Variants in PPEF1 observed in about 807,000 individuals in gnomAD.
PPEF1 encodes the protein serine/threonine-protein phosphatase with EF-hands 1.
A neutral mutation model predicts 53.3 loss-of-function variants in PPEF1; 12 were observed. That is an observed-to-expected ratio of 0.23 (90% CI 0.14 to 0.36). The LOEUF is 0.36. Ranked by LOEUF, PPEF1 falls within the 10% of genes least tolerant of loss-of-function variation. The probability of loss-of-function intolerance (pLI) is 1.00; values close to 1 mark genes in which losing one functional copy is unlikely to be tolerated. For synonymous variants in PPEF1, 165 were observed against 176.7 expected, an observed-to-expected ratio of 0.93 and a Z score of 0.52; for missense variants, 334 against 490.4, an observed-to-expected ratio of 0.68 and a Z score of 3.01.
chrX:18,789,068 G>A, intron 9 of PPEF1, 53 bp from the exon 10 acceptor site: 1 of 1,181,426 alleles, frequency 8.5e-7, no homozygotes, highest in Non-Finnish European at 1.1e-6. Context: ...TGAAGTCTCT[G>A]TATGTGGCAG....
intron 3 of PPEF1, among the ~76,000 whole-genome samples, chrX:18,747,051 A>G (rs2045344201): frequency 1.8e-5 from 2 of 111,287 alleles, no homozygotes; most frequent in African/African-American, 3.3e-5. Context: ...CTGGGGTTCA[A>G]CTGGGCAGGG....
intron 12 of PPEF1, among the ~76,000 whole-genome samples, chrX:18,807,945 C>T (rs2046709378): frequency 9.6e-6 from 1 of 103,722 alleles, no homozygotes; most frequent in African/African-American, 3.6e-5. Flanking sequence ...CAGGTGTGAG[C>T]TACCACGCCC....
chrX:18,744,771 G>T (rs12689761), intron 3 of PPEF1, among the ~76,000 whole-genome samples: 1 of 109,729 alleles, frequency 9.1e-6, no homozygotes, highest in East Asian at 2.8e-4. Context: ...CTACTATTAA[G>T]TAATAATAAT....
chrX:18,735,169 T>A (rs770756991), intron 3 of PPEF1, among the ~76,000 whole-genome samples: 2 of 111,997 alleles, frequency 1.8e-5, no homozygotes, highest in Admixed American at 9.5e-5. Context: ...TTGTTGCCAT[T>A]GCTTTTGGTG....
At chrX:18,733,848 T>C in intron 3 of PPEF1, 40 bp downstream of exon 3, 2 of 1,039,102 alleles carry the variant, frequency 1.9e-6, no homozygotes, top group East Asian at 3.2e-5. Flanking sequence ...TGTCATTAAA[T>C]ATTGAATTGT....
chrX:18,698,613 C>T (rs1228335984), intron 5 of PPEF1, among the ~76,000 whole-genome samples: 2 of 111,512 alleles, frequency 1.8e-5, no homozygotes, highest in African/African-American at 6.5e-5. Flanking sequence ...GGTGAAACCT[C>T]GTCTGTACTA....
intron 10 of PPEF1, among the ~76,000 whole-genome samples, chrX:18,795,440 T>G (rs1296424083): frequency 8.9e-6 from 1 of 112,442 alleles, no homozygotes; most frequent in Non-Finnish European, 1.9e-5. Flanking sequence ...TAAACATGGA[T>G]GTAAAGGCAA....
At chrX:18,686,253 A>G (rs6527864) in intron 3 of PPEF1, 1 of 109,905 alleles carries the variant, frequency 9.1e-6, no homozygotes. Context: ...TCCAGAGACT[A>G]AGGATGGAGG....
chrX:18,784,850 C>T (rs1178251574), intron 9 of PPEF1, among the ~76,000 whole-genome samples: 3 of 110,380 alleles, frequency 2.7e-5, no homozygotes, highest in African/African-American at 9.9e-5. Flanking sequence ...TGAAGGGTTC[C>T]TTGGACGGGT....
chrX:18,780,068 T>C lies in PPEF1; in HGVS notation c.725+892T>C, dbSNP rs756777898. On this transcript the variant is annotated intron_variant, in intron 7 of 15. Coordinates refer to ENST00000470157, the MANE Select transcript of PPEF1 (RefSeq NM_001377996.1). The stretch of plus-strand genomic sequence containing the variant: ...TATATATAATATAGCTTGATACTTT[T>C]ATTTAGGCATGCTGTTTATCCTTAT... Among the ~76,000 whole-genome samples the C allele has an allele frequency of 1.8e-4, 20 of 112,392 alleles. 1 individual carries two copies. The South Asian group carries it at 7.4e-3, about 41-fold the overall frequency.
chrX:18,749,506 A>G (rs1198393417), intron 3 of PPEF1, among the ~76,000 whole-genome samples: 1 of 111,361 alleles, frequency 9.0e-6, no homozygotes, highest in Non-Finnish European at 1.9e-5. Flanking sequence ...AAATACCTTG[A>G]TTGGCTAGTT....
At chrX:18,719,255 T>C (rs1313907410) in intron 1 of PPEF1, among the ~76,000 whole-genome samples, 2 of 111,905 alleles carry the variant, frequency 1.8e-5, no homozygotes, top group Non-Finnish European at 3.8e-5. Flanking sequence ...GAGTGTTTTA[T>C]TGAGTTGGCC....
At chrX:18,689,060 C>T (rs1449137500) in intron 3 of PPEF1, among the ~76,000 whole-genome samples, 2 of 110,850 alleles carry the variant, frequency 1.8e-5, no homozygotes, top group Admixed American at 9.6e-5. Context: ...ATATTAATAC[C>T]GGAGAGGTAT....
At position 18,793,230 on chromosome X, in the gene PPEF1, T is replaced by TA. The variant is rs1268383025; in HGVS notation, c.1065+3965dup. Among the ~76,000 whole-genome samples, 6 of 109,996 alleles carry TA rather than the reference T, an allele frequency of 5.5e-5. No individual in the cohort carries two copies. In the South Asian group the frequency reaches 1.2e-3, roughly 21 times the overall value. On this transcript the variant is annotated intron_variant, in intron 10 of 15. Coordinates refer to ENST00000470157, the MANE Select transcript of PPEF1 (RefSeq NM_001377996.1). ...TGTTATTAAACAATTGCTGCTGCCT[T>TA]AAAAAAAATAGTTTTGCTATGTTGT...
intron 9 of PPEF1, among the ~76,000 whole-genome samples, chrX:18,784,746 TTAAA>T (rs2046166238): frequency 9.0e-6 from 1 of 111,282 alleles, no homozygotes; most frequent in Non-Finnish European, 1.9e-5. Context: ...TTTGAAATGT[TTAAA>T]TAATCATGTT....
At chrX:18,770,708 G>A (rs150705566) in intron 6 of PPEF1, among the ~76,000 whole-genome samples, 2,175 of 111,849 alleles carry the variant, frequency 0.019, 34 homozygotes, top group Non-Finnish European at 0.029. Flanking sequence ...CATCACAGAG[G>A]TAGCAAAGAA....
intron 1 of PPEF1, 53 bp downstream of exon 1, chrX:18,707,879 G>T (rs2044234956): frequency 9.4e-7 from 1 of 1,066,463 alleles, no homozygotes; most frequent in African/African-American, 1.8e-5. Context: ...AAAATGAGCT[G>T]CCCTCACCCT....
intron 10 of PPEF1, among the ~76,000 whole-genome samples, chrX:18,803,304 G>A (rs757391014): frequency 1.8e-5 from 2 of 112,973 alleles, no homozygotes; most frequent in African/African-American, 3.2e-5. Flanking sequence ...GCGGTTTTCC[G>A]CCCTGGGCAG....
chrX:18,704,625 A>G (rs1452011201), upstream of PPEF1, among the ~76,000 whole-genome samples: 1 of 112,030 alleles, frequency 8.9e-6, no homozygotes, highest in Non-Finnish European at 1.9e-5. Flanking sequence ...TTCAGCTTGA[A>G]ATAGATGGAG....
Sources: gnomAD v4.1 joint callset for allele counts (sites outside exome capture counted in the v4.1 genomes callset) on GRCh38, gnomAD v4.1.1 for gene constraint, MANE v1.5 for transcripts, NCBI Gene and HGNC (gene_info 2026-07-23, HGNC 2026-07-21) for gene names.